The following NT5C2 variants were observed in gnomAD, a reference collection of about 807,000 sequenced individuals.
The protein encoded by NT5C2 is 5'-nucleotidase, cytosolic II.
NT5C2 carries 58 observed loss-of-function variants against 76.1 expected under a neutral mutation model. That is an observed-to-expected ratio of 0.76 (90% confidence interval 0.62 to 0.95). NT5C2 has a LOEUF of 0.95. Ranked by LOEUF, NT5C2 falls within the 40% of genes least tolerant of loss-of-function variation. The pLI is 0.00. For synonymous variants in NT5C2, 229 were observed against 237.4 expected, an observed-to-expected ratio of 0.96 and a Z score of 0.32; for missense variants, 478 against 690.3, an observed-to-expected ratio of 0.69 and a Z score of 3.45.
At chr10:103,121,636 T>A (rs1372974315) in intron 4 of NT5C2, among the ~76,000 whole-genome samples, 2 of 152,154 alleles carry the variant, frequency 1.3e-5, no homozygotes, top group Admixed American at 6.5e-5. Flanking sequence ...ATGCTCTGAT[T>A]TACTGACATC....
At chr10:103,150,425 G>A (rs528482099) in intron 3 of NT5C2, among the ~76,000 whole-genome samples, 1 of 152,214 alleles carries the variant, frequency 6.6e-6, no homozygotes, top group East Asian at 1.9e-4. Flanking sequence ...TATCCATTCA[G>A]TTAATGGACA....
intron 4 of NT5C2, chr10:103,125,142 A>C (rs2076426492): frequency 1.8e-6 from 1 of 548,126 alleles, no homozygotes; most frequent in East Asian, 4.2e-5. Flanking sequence ...AGATTACTCT[A>C]CCATTTTTCT....
intron 3 of NT5C2, among the ~76,000 whole-genome samples, chr10:103,148,603 CAA>C (rs61288291): frequency 4.2e-4 from 51 of 120,124 alleles, no homozygotes; most frequent in African/African-American, 6.0e-4. Context: ...GACTCCGTCT[CAA>C]AAAAAAAAAA....
At chr10:103,139,740 C>T (rs1156580199) in intron 3 of NT5C2, among the ~76,000 whole-genome samples, 1 of 152,120 alleles carries the variant, frequency 6.6e-6, no homozygotes, top group Non-Finnish European at 1.5e-5. Context: ...TGTTTTCTTT[C>T]TTCTTGTTTA....
At chr10:103,100,109 C>T in intron 8 of NT5C2, 90 bp from the exon 9 acceptor site, 1 of 778,676 alleles carries the variant, frequency 1.3e-6, no homozygotes, top group Non-Finnish European at 2.2e-6. Flanking sequence ...CCAAAGGTTC[C>T]ATATCACATG....
chr10:103,138,915 G>C (rs1282403956), intron 4 of NT5C2, among the ~76,000 whole-genome samples: 1 of 152,110 alleles, frequency 6.6e-6, no homozygotes, highest in South Asian at 2.1e-4. Context: ...GCTGAGGCAG[G>C]AGAATCGCTT....
chr10:103,139,269 G>T, intron 4 of NT5C2, 137 bp downstream of exon 4: 1 of 508,776 alleles, frequency 2.0e-6, no homozygotes. Flanking sequence ...AATCTTACTG[G>T]AAGCAACCTG....
At chr10:103,128,336 G>A (rs890488624) in intron 4 of NT5C2, among the ~76,000 whole-genome samples, 18 of 147,654 alleles carry the variant, frequency 1.2e-4, no homozygotes, top group Middle Eastern at 3.4e-3. Context: ...CCGAGGTGCC[G>A]GGATTGCAGA....
intron 1 of NT5C2, among the ~76,000 whole-genome samples, chr10:103,185,957 T>G (rs891134324): frequency 6.6e-6 from 1 of 152,212 alleles, no homozygotes; most frequent in Non-Finnish European, 1.5e-5. Flanking sequence ...TGACATTTAT[T>G]GAGTACTTAC....
intron 10 of NT5C2, chr10:103,097,825 CAT>C: frequency 1.5e-5 from 5 of 344,416 alleles, no homozygotes; most frequent in Non-Finnish European, 2.8e-5. Flanking sequence ...AATGAAATGA[CAT>C]GTGCAGATGC....
rs767341883 is a variant in NT5C2 at position 103,095,984 on chromosome 10, G to GA, written c.772-5dup. ...CAAACAGGTAAGTCATAATTTTCTGGAAAAAAAAATTTAACATAAGGTCCA... is the reference window on the plus strand; with the variant it reads ...CAAACAGGTAAGTCATAATTTTCTGGAAAAAAAAAATTTAACATAAGGTCCA... On this transcript the variant is annotated splice_region_variant and splice_polypyrimidine_tract_variant and intron_variant, in intron 11 of 18. Coordinates refer to ENST00000404739, the MANE Select transcript of NT5C2 (RefSeq NM_001351169.2). The GA allele has an allele frequency of 1.6e-4, 256 of 1,601,588 alleles. 1 individual carries two copies. The highest frequency in any genetic ancestry group is 6.6e-4 in the Middle Eastern group (4 of 6,036).
At chr10:103,138,529 G>T (rs748452207) in intron 4 of NT5C2, among the ~76,000 whole-genome samples, 12 of 152,154 alleles carry the variant, frequency 7.9e-5, no homozygotes, top group Non-Finnish European at 1.6e-4. Flanking sequence ...AGAACATGCA[G>T]TGTTTGCTTT....
At chr10:103,120,020 G>A (rs1447285589) in intron 4 of NT5C2, among the ~76,000 whole-genome samples, 1 of 151,836 alleles carries the variant, frequency 6.6e-6, no homozygotes, top group African/African-American at 2.4e-5. Flanking sequence ...AATCACTTGA[G>A]CCTGGGAGGC....
chr10:103,188,654 T>C (rs764265948), intron 1 of NT5C2, among the ~76,000 whole-genome samples: 5 of 152,212 alleles, frequency 3.3e-5, no homozygotes, highest in Non-Finnish European at 7.3e-5. Flanking sequence ...CAGTGTTTTT[T>C]ACAATTTTTT....
chr10:103,190,440 C>T (rs7920251), intron 1 of NT5C2, among the ~76,000 whole-genome samples: 62,065 of 151,944 alleles, frequency 0.41, 12,865 homozygotes, highest in East Asian at 0.53. Flanking sequence ...CCTGATCCCA[C>T]CAAGCTACAT....
chr10:103,111,593 A>T (rs967159472), intron 4 of NT5C2, among the ~76,000 whole-genome samples: 1 of 152,182 alleles, frequency 6.6e-6, no homozygotes. Context: ...TGAGCAGAAA[A>T]CTTTCTGCAG....
At chr10:103,102,330 T>C (rs368801506) in intron 6 of NT5C2, among the ~76,000 whole-genome samples, 31 of 152,140 alleles carry the variant, frequency 2.0e-4, no homozygotes, top group Middle Eastern at 3.2e-3. Flanking sequence ...GACAGTGAGA[T>C]AGTCTGCTGG....
intron 3 of NT5C2, among the ~76,000 whole-genome samples, chr10:103,140,584 A>G (rs546631517): frequency 6.6e-6 from 1 of 152,316 alleles, no homozygotes; most frequent in South Asian, 2.1e-4. Flanking sequence ...GTCATATGGC[A>G]GCTGTATTTT....
chr10:103,088,250 G>GA lies in NT5C2; in HGVS notation c.*1421dup, dbSNP rs1412242621. 1 of 152,202 alleles carries GA rather than the reference G, an allele frequency of 6.6e-6. No homozygotes were observed. Among genetic ancestry groups the GA allele is most frequent in the Non-Finnish European group, 1.5e-5 (1 of 68,020 alleles). 9.4% of individuals were successfully genotyped at this position (152,202 alleles called of 1,614,324 possible). ...TGGAAGAAAATATACAATGGTTAAA[G>GA]AAAGAGTCTATAACCACTGTTTGTT... On this transcript the variant is annotated 3_prime_UTR_variant, in exon 19 of 19. Transcript: ENST00000404739.
Sources: gnomAD v4.1 joint callset for allele counts (sites outside exome capture counted in the v4.1 genomes callset) on GRCh38, gnomAD v4.1.1 for gene constraint, MANE v1.5 for transcripts, NCBI Gene and HGNC (gene_info 2026-07-23, HGNC 2026-07-21) for gene names.